SDK1: variants seen among roughly 807,000 people sequenced by gnomAD.
SDK1 encodes sidekick cell adhesion molecule 1.
Under a neutral mutation model 245.5 loss-of-function variants are expected in SDK1, and 157 were observed. The observed-to-expected ratio is 0.64, with a 90% CI of 0.56 to 0.73. The LOEUF is 0.73. Among genes scored for constraint, SDK1 ranks in the 30% least tolerant of loss-of-function variants. The pLI is 0.00. For missense variants in SDK1, 3,583 were observed against 3,002.3 expected, an observed-to-expected ratio of 1.19 and a Z score of -4.52; for synonymous variants, 1,647 against 1,278.5, an observed-to-expected ratio of 1.29 and a Z score of -6.15.
intron 1 of SDK1, among the ~76,000 whole-genome samples, chr7:3,315,651 C>CT (rs997151648): frequency 5.9e-5 from 9 of 152,240 alleles, no homozygotes; most frequent in African/African-American, 2.2e-4. Flanking sequence ...AGGGATTTCT[C>CT]TTTTTTTCCT....
intron 4 of SDK1, among the ~76,000 whole-genome samples, chr7:3,650,683 T>C (rs1013851467): frequency 1.3e-5 from 2 of 152,200 alleles, no homozygotes; most frequent in Non-Finnish European, 2.9e-5. Flanking sequence ...TATTAACCTT[T>C]TATGGCCATA....
rs1781893354 is a variant in SDK1 at position 3,396,231 on chromosome 7, A to T, written c.298+94347A>T. 2.6e-5 allele frequency among the ~76,000 whole-genome samples: 4 copies of T among 152,022 alleles called. No homozygotes were observed. The South Asian group carries it at 8.3e-4, about 32-fold the overall frequency. On this transcript the variant is annotated intron_variant, in intron 1 of 44. Coordinates refer to ENST00000404826, the MANE Select transcript of SDK1 (RefSeq NM_152744.4). The stretch of plus-strand genomic sequence containing the variant: ...ATTTTTCTTTGACCCGTATTTAGAA[A>T]TAACTGCATTATTGTTGGTAAATAT...
intron 1 of SDK1, among the ~76,000 whole-genome samples, chr7:3,351,587 G>A (rs1780661597): frequency 6.6e-6 from 1 of 152,028 alleles, no homozygotes; most frequent in South Asian, 2.1e-4. Context: ...GCAAAATAAT[G>A]GAAAATTTTA....
chr7:3,500,273 C>G (rs1458433550), intron 1 of SDK1, among the ~76,000 whole-genome samples: 1 of 152,088 alleles, frequency 6.6e-6, no homozygotes, highest in African/African-American at 2.4e-5. Flanking sequence ...TCTTATATCC[C>G]CTATTTTCTC....
chr7:3,548,602 G>A (rs544845546), intron 1 of SDK1, among the ~76,000 whole-genome samples: 26 of 152,302 alleles, frequency 1.7e-4, no homozygotes, highest in African/African-American at 6.0e-4. Flanking sequence ...TCCTGGAAAT[G>A]AAATAGCTGT....
chr7:3,944,830 A>G (rs10255332), intron 5 of SDK1, among the ~76,000 whole-genome samples: 10,893 of 152,252 alleles, frequency 0.072, 1,220 homozygotes, highest in African/African-American at 0.24. Flanking sequence ...CCCAGAAAGC[A>G]AATCTCAGAG....
chr7:3,947,153 A>G (rs1158465488), intron 5 of SDK1, among the ~76,000 whole-genome samples: 1 of 152,162 alleles, frequency 6.6e-6, no homozygotes, highest in African/African-American at 2.4e-5. Context: ...ATACATGAGC[A>G]TGCATGCATG....
At chr7:3,797,601 A>T (rs1778994219) in intron 4 of SDK1, among the ~76,000 whole-genome samples, 1 of 152,092 alleles carries the variant, frequency 6.6e-6, no homozygotes, top group Non-Finnish European at 1.5e-5. Context: ...ATTTACATAG[A>T]TCTAATTTAT....
intron 9 of SDK1, among the ~76,000 whole-genome samples, chr7:3,965,611 G>A (rs904480431): frequency 6.6e-6 from 1 of 152,186 alleles, no homozygotes; most frequent in Non-Finnish European, 1.5e-5. Context: ...CACTCTGGAT[G>A]AGGCTCTGGG....
chr7:4,017,606 C>T (rs543033540), intron 17 of SDK1, among the ~76,000 whole-genome samples: 14 of 152,172 alleles, frequency 9.2e-5, no homozygotes, highest in East Asian at 3.9e-4. Context: ...CGCCTTTTGA[C>T]GGGTGCATCT....
intron 4 of SDK1, among the ~76,000 whole-genome samples, chr7:3,701,340 A>G (rs1171950018): frequency 6.6e-6 from 1 of 152,258 alleles, no homozygotes; most frequent in Non-Finnish European, 1.5e-5. Context: ...GTCTATAAAA[A>G]GTGGACTATG....
chr7:3,686,934 G>T (rs574909953), intron 4 of SDK1, among the ~76,000 whole-genome samples: 15 of 152,180 alleles, frequency 9.9e-5, no homozygotes, highest in Admixed American at 3.9e-4. Flanking sequence ...AGTGGCCCTG[G>T]AGTGTGAGTG....
intron 5 of SDK1, among the ~76,000 whole-genome samples, chr7:3,946,891 C>T (rs561232928): frequency 1.3e-3 from 198 of 152,312 alleles, no homozygotes; most frequent in South Asian, 2.9e-3. Flanking sequence ...AAACAGAATG[C>T]AGCCATTTTT....
At chr7:3,857,887 A>G (rs1780585942) in intron 5 of SDK1, among the ~76,000 whole-genome samples, 1 of 152,226 alleles carries the variant, frequency 6.6e-6, no homozygotes, top group African/African-American at 2.4e-5. Context: ...ATATTTTTGA[A>G]TAAACTGATC....
chr7:3,919,409 A>C (rs566337123), intron 5 of SDK1, among the ~76,000 whole-genome samples: 1 of 152,356 alleles, frequency 6.6e-6, no homozygotes, highest in African/African-American at 2.4e-5. Context: ...GTCAGGCATC[A>C]GAAAAGTTGT....
intron 1 of SDK1, among the ~76,000 whole-genome samples, chr7:3,583,407 G>C (rs1228627585): frequency 6.6e-6 from 1 of 152,188 alleles, no homozygotes; most frequent in African/African-American, 2.4e-5. Context: ...CTTGAACTCA[G>C]CTTCTGTTTG....
intron 1 of SDK1, among the ~76,000 whole-genome samples, chr7:3,422,219 A>C (rs566913177): frequency 1.3e-5 from 2 of 152,286 alleles, no homozygotes; most frequent in South Asian, 4.2e-4. Flanking sequence ...ACCCAGCCAA[A>C]CTACTCTTAC....
At chr7:3,355,129 G>T (rs1418279280) in intron 1 of SDK1, among the ~76,000 whole-genome samples, 1 of 152,166 alleles carries the variant, frequency 6.6e-6, no homozygotes, top group African/African-American at 2.4e-5. Flanking sequence ...AAAATTTGCA[G>T]CAAGGTGTTT....
intron 1 of SDK1, among the ~76,000 whole-genome samples, chr7:3,579,103 A>T (rs761265621): frequency 6.6e-6 from 1 of 151,904 alleles, no homozygotes; most frequent in Non-Finnish European, 1.5e-5. Context: ...TTCCTATATA[A>T]AGGGGGCTTA....
Sources: gnomAD v4.1 joint callset for allele counts (sites outside exome capture counted in the v4.1 genomes callset) on GRCh38, gnomAD v4.1.1 for gene constraint, MANE v1.5 for transcripts, NCBI Gene and HGNC (gene_info 2026-07-23, HGNC 2026-07-21) for gene names.